The following ZFHX3 variants were observed in gnomAD, a reference collection of about 807,000 sequenced individuals.
The protein encoded by ZFHX3 is zinc finger homeobox protein 3.
In ZFHX3, 42 loss-of-function variants were observed where a neutral mutation model predicts 279.1. The ratio of observed to expected loss-of-function variants is 0.15; its 90% CI spans 0.12 to 0.19. The LOEUF (loss-of-function observed/expected upper bound fraction) is 0.19, where lower values mean the gene tolerates loss of function less well. Ranked by LOEUF, ZFHX3 falls within the 10% of genes least tolerant of loss-of-function variation. The probability of loss-of-function intolerance (pLI) is 1.00; values close to 1 mark genes in which losing one functional copy is unlikely to be tolerated. For synonymous variants in ZFHX3, 2,293 were observed against 1,957.8 expected (o/e 1.17, Z -4.52); for missense variants, 4,981 against 4,754.0 (o/e 1.05, Z -1.40).
chr16:73,723,231 T>C (rs1412410418), intron 1 of ZFHX3, among the ~76,000 whole-genome samples: 3 of 152,108 alleles, frequency 2.0e-5, no homozygotes, highest in African/African-American at 4.8e-5. Flanking sequence ...TGAACCAAAC[T>C]TGTATTATGT....
chr16:73,317,682 G>A (rs985233492), intron 4 of ZFHX3, among the ~76,000 whole-genome samples: 3 of 152,150 alleles, frequency 2.0e-5, no homozygotes, highest in Non-Finnish European at 4.4e-5. Flanking sequence ...TGACCCAGAT[G>A]AGCCCTAAGG....
chr16:73,068,662 A>C (rs538004535), intron 8 of ZFHX3, among the ~76,000 whole-genome samples: 1 of 152,256 alleles, frequency 6.6e-6, no homozygotes, highest in African/African-American at 2.4e-5. Flanking sequence ...CAAGTTCCTT[A>C]CTTCTGTGAG....
At chr16:72,930,110 T>G (rs532597318) in intron 3 of ZFHX3, among the ~76,000 whole-genome samples, 1 of 152,118 alleles carries the variant, frequency 6.6e-6, no homozygotes, top group Admixed American at 6.5e-5. Flanking sequence ...CCCAGCTACT[T>G]GGGAGGCTGA....
At chr16:73,156,119 C>T (rs1967075986) in intron 5 of ZFHX3, among the ~76,000 whole-genome samples, 1 of 150,230 alleles carries the variant, frequency 6.7e-6, no homozygotes, top group Non-Finnish European at 1.5e-5. Flanking sequence ...GTAGTCCCAG[C>T]TACTTGGGAG....
intron 4 of ZFHX3, among the ~76,000 whole-genome samples, chr16:72,843,243 G>A (rs1272643003): frequency 6.6e-6 from 1 of 152,064 alleles, no homozygotes; most frequent in East Asian, 1.9e-4. Flanking sequence ...AGGCACAGTG[G>A]CTCACACCTG....
intron 1 of ZFHX3, among the ~76,000 whole-genome samples, chr16:73,823,034 G>A (rs1052652274): frequency 6.6e-5 from 10 of 152,150 alleles, no homozygotes; most frequent in Admixed American, 2.6e-4. Context: ...CGTGGAAGCC[G>A]AATCCCTGCC....
chr16:73,265,873 G>A (rs2013959450), intron 4 of ZFHX3, among the ~76,000 whole-genome samples: 1 of 152,170 alleles, frequency 6.6e-6, no homozygotes, highest in South Asian at 2.1e-4. Context: ...GGTCCTGAAG[G>A]GAAAAGCAAG....
At chr16:73,169,667 A>G (rs945720489) in intron 5 of ZFHX3, among the ~76,000 whole-genome samples, 5 of 138,096 alleles carry the variant, frequency 3.6e-5, no homozygotes, top group South Asian at 2.2e-4. Flanking sequence ...TCAAAAAAGG[A>G]AAAAAAAAAA....
At chr16:73,596,494 C>T (rs2052051926) in intron 2 of ZFHX3, among the ~76,000 whole-genome samples, 1 of 152,122 alleles carries the variant, frequency 6.6e-6, no homozygotes, top group African/African-American at 2.4e-5. Context: ...CATCCCCACC[C>T]ACCACTCTTC....
chr16:73,078,769 C>T (rs142212220), intron 8 of ZFHX3, among the ~76,000 whole-genome samples: 7 of 152,004 alleles, frequency 4.6e-5, no homozygotes, highest in Non-Finnish European at 7.4e-5. Context: ...CTTAGCGTCC[C>T]GAGTAGCTGG....
Position 73,857,730 on chromosome 16 carries a change from T to C in ZFHX3, c.-1608+33921A>G, listed in dbSNP as rs569028471. ...CAATAAGACAGAGAGCCAGAGAAGA[T>C]TCCCCTTCTATGTGATGTCAGGAAA... On this transcript the variant is annotated intron_variant, in intron 1 of 17. Transcript: ENST00000641206. 2.0e-5 allele frequency among the ~76,000 whole-genome samples: 3 copies of C among 152,288 alleles called. No individual in the cohort carries two copies. The East Asian group carries it at 5.8e-4, about 29-fold the overall frequency.
At chr16:73,198,510 G>T (rs1440833517) in intron 5 of ZFHX3, among the ~76,000 whole-genome samples, 1 of 107,638 alleles carries the variant, frequency 9.3e-6, no homozygotes, top group Non-Finnish European at 1.8e-5. Context: ...AGAGCTTGGG[G>T]TTCTTCTCTA....
chr16:72,819,270 G>A (rs1297176576), intron 5 of ZFHX3, among the ~76,000 whole-genome samples: 1 of 150,800 alleles, frequency 6.6e-6, no homozygotes, highest in Non-Finnish European at 1.5e-5. Flanking sequence ...AAGACTTAGG[G>A]CCCTATGCCT....
At chr16:73,862,458 T>TA (rs1469163453) in intron 1 of ZFHX3, among the ~76,000 whole-genome samples, 1 of 152,162 alleles carries the variant, frequency 6.6e-6, no homozygotes, top group African/African-American at 2.4e-5. Flanking sequence ...CCATCCTAAT[T>TA]AGCCAGACCA....
intron 1 of ZFHX3, among the ~76,000 whole-genome samples, chr16:73,780,675 T>C (rs1959438718): frequency 3.9e-5 from 6 of 152,126 alleles, no homozygotes; most frequent in Admixed American, 3.9e-4. Context: ...CTCCTGGCCT[T>C]AAGTGACCTG....
intron 1 of ZFHX3, among the ~76,000 whole-genome samples, chr16:73,022,438 C>A (rs1192688030): frequency 6.6e-6 from 1 of 152,106 alleles, no homozygotes; most frequent in African/African-American, 2.4e-5. Context: ...GAGGGCAGCA[C>A]CACTGATATT....
chr16:73,718,128 G>A (rs1295430346), intron 1 of ZFHX3, among the ~76,000 whole-genome samples: 1 of 152,130 alleles, frequency 6.6e-6, no homozygotes, highest in African/African-American at 2.4e-5. Flanking sequence ...GCACACAAGT[G>A]AGCTGGGCAC....
At chr16:73,630,773 G>A (rs2052461074) in intron 2 of ZFHX3, among the ~76,000 whole-genome samples, 1 of 152,228 alleles carries the variant, frequency 6.6e-6, no homozygotes, top group South Asian at 2.1e-4. Flanking sequence ...GCATGGTGGT[G>A]CTCAACTTGT....
chr16:73,749,211 C>T lies in ZFHX3; in HGVS notation c.-1607-68971G>A, dbSNP rs149143189. Among the ~76,000 whole-genome samples the T allele has an allele frequency of 3.5e-3, 527 of 152,172 alleles. 1 individual carries two copies. The highest frequency in any genetic ancestry group is 0.012 in the African/African-American group (510 of 41,526). On this transcript the variant is annotated intron_variant, in intron 1 of 17. Coordinates refer to the ZFHX3 transcript ENST00000641206. ...TGGCCATGCCCTTTCCCTAAAATAC[C>T]CTTATTGTTTTGTCTGCCTGGTGAA...
Sources: gnomAD v4.1 joint callset for allele counts (sites outside exome capture counted in the v4.1 genomes callset) on GRCh38, gnomAD v4.1.1 for gene constraint, MANE v1.5 for transcripts, NCBI Gene and HGNC (gene_info 2026-07-23, HGNC 2026-07-21) for gene names.